The following CNTRL variants were observed in gnomAD, a reference collection of about 807,000 sequenced individuals.
CNTRL encodes the protein 110 kDa centrosomal protein.
In CNTRL, 233 loss-of-function variants were observed where a neutral mutation model predicts 303.7. The ratio of observed to expected loss-of-function variants is 0.77; its 90% CI spans 0.69 to 0.86. CNTRL has a LOEUF of 0.86. Among genes scored for constraint, CNTRL ranks in the 40% least tolerant of loss-of-function variants. The pLI, the probability that CNTRL is intolerant of heterozygous loss-of-function variation, is 0.00. For missense variants in CNTRL, 2,524 were observed against 2,650.6 expected, an observed-to-expected ratio of 0.95 and a Z score of 1.05; for synonymous variants, 900 against 922.2, an observed-to-expected ratio of 0.98 and a Z score of 0.44.
chr9:121,129,043 G>A (rs2050703536), intron 14 of CNTRL, among the ~76,000 whole-genome samples: 1 of 152,162 alleles, frequency 6.6e-6, no homozygotes, highest in Non-Finnish European at 1.5e-5. Flanking sequence ...GTTTACTGTA[G>A]CCTTGTAGTA....
chr9:121,077,407 A>G (rs1388298509), intron 1 of CNTRL, among the ~76,000 whole-genome samples: 3 of 151,980 alleles, frequency 2.0e-5, no homozygotes, highest in Non-Finnish European at 4.4e-5. Context: ...ACCTCCAGGC[A>G]GTAGCCTAAG....
intron 31 of CNTRL, among the ~76,000 whole-genome samples, chr9:121,159,695 AAAG>A (rs1203277928): frequency 6.6e-6 from 1 of 151,934 alleles, no homozygotes. Context: ...AAAAAAAAAA[AAAG>A]AAAACTTCTC....
Position 121,144,955 on chromosome 9 carries a change from A to G in CNTRL, c.3164A>G (p.Glu1055Gly). ...CAGAATCTCCTCAGGCAGAAGGGGG[A>G]GCAGGTCAGTGTTGGTACCCAGAGA... ...LLQNLLRQKG[E>G]QFRLEMEKTG... Residue 1055 changes from glutamate to glycine, a missense_variant, in exon 21 of 44, where the codon GAG (glutamate) becomes GGG (glycine). Coordinates refer to ENST00000373855, the MANE Select transcript of CNTRL (RefSeq NM_007018.6). The G allele has an allele frequency of 6.2e-7, 1 of 1,612,222 alleles. No homozygotes were observed. The highest frequency in any genetic ancestry group is 8.5e-7 in the Non-Finnish European group (1 of 1,178,634).
rs767165727 is a variant in CNTRL, at chr9:121,164,936, G to C, written c.5424-7G>C. On this transcript the variant is annotated splice_region_variant and splice_polypyrimidine_tract_variant and intron_variant, in intron 34 of 43. Coordinates refer to ENST00000373855, the MANE Select transcript of CNTRL (RefSeq NM_007018.6). ...TATTTGACAGTCTGACTTACTCTCTGTGGTAGGGTTTTAGCAGCAGCAGAA... is the reference window on the plus strand; with the variant it reads ...TATTTGACAGTCTGACTTACTCTCTCTGGTAGGGTTTTAGCAGCAGCAGAA... 2.4e-5 allele frequency: 39 copies of C among 1,609,566 alleles called. 2 individuals are homozygous for C. The South Asian group carries it at 3.1e-4, about 13-fold the overall frequency.
chr9:121,162,346 T>A, intron 34 of CNTRL, 75 bp downstream of exon 34: 4 of 1,317,086 alleles, frequency 3.0e-6, no homozygotes, highest in Non-Finnish European at 4.4e-6. Context: ...ATAAAAAATT[T>A]GGAAAATAGA....
At chr9:121,104,226 G>T (rs938282543) in intron 7 of CNTRL, among the ~76,000 whole-genome samples, 4 of 152,174 alleles carry the variant, frequency 2.6e-5, no homozygotes, top group African/African-American at 7.2e-5. Flanking sequence ...TCCTTTGTAG[G>T]GACATGGTTG....
Position 121,135,944 on chromosome 9 carries a change from C to T in CNTRL, c.2164C>T (p.Leu722Phe). The T allele has an allele frequency of 6.2e-7, 1 of 1,612,286 alleles. No individual in the cohort carries two copies. Among genetic ancestry groups the T allele is most frequent in the Non-Finnish European group, 8.5e-7 (1 of 1,178,792 alleles). The change falls in exon 15 of 44, where the codon CTC (leucine) becomes TTC (phenylalanine). Residue 722 changes from leucine to phenylalanine, a missense_variant. By Grantham distance (22) the Leu-to-Phe change is conservative. Coordinates refer to ENST00000373855, the MANE Select transcript of CNTRL (RefSeq NM_007018.6). ...CCTAAGGGATGCTGAAGCCAACCAG[C>T]TCAAGGAAGAGTTGGAAAAAGTAAC... is the stretch of plus-strand genomic sequence containing the variant. ...LNLRDAEANQLKEELEKVTRL... is the reference protein window; with the variant it reads ...LNLRDAEANQFKEELEKVTRL...
chr9:121,113,843 G>A (rs193003287), intron 10 of CNTRL, 119 bp downstream of exon 10: 49 of 580,650 alleles, frequency 8.4e-5, no homozygotes, highest in Admixed American at 2.3e-4. Context: ...TCCATGAAAA[G>A]TCTAAAACAA....
At chr9:121,092,973 A>AT (rs980154279) in intron 4 of CNTRL, among the ~76,000 whole-genome samples, 13 of 147,922 alleles carry the variant, frequency 8.8e-5, no homozygotes, top group African/African-American at 2.0e-4. Flanking sequence ...CGCCCAGCTA[A>AT]TTTTTTTTTA....
intron 7 of CNTRL, among the ~76,000 whole-genome samples, chr9:121,100,099 C>A (rs146765812): frequency 6.6e-6 from 1 of 152,016 alleles, no homozygotes; most frequent in Non-Finnish European, 1.5e-5. Context: ...CTCCAAGACA[C>A]GTAATTGTCA....
At chr9:121,099,376 T>A (rs985789058) in intron 7 of CNTRL, among the ~76,000 whole-genome samples, 1 of 151,422 alleles carries the variant, frequency 6.6e-6, no homozygotes, top group Non-Finnish European at 1.5e-5. Context: ...ACAGAAAGGA[T>A]ATCCACACCA....
intron 35 of CNTRL, 26 bp downstream of exon 35, chr9:121,165,126 T>C: frequency 6.5e-7 from 1 of 1,532,078 alleles, no homozygotes. Flanking sequence ...ACAGTGAAAG[T>C]GTGTGATTTC....
intron 40 of CNTRL, 81 bp downstream of exon 40, chr9:121,171,629 T>A: frequency 2.1e-6 from 3 of 1,437,354 alleles, no homozygotes; most frequent in Non-Finnish European, 2.8e-6. Flanking sequence ...GTTTTTAATA[T>A]CCCTTCTATA....
chr9:121,145,865 C>A (rs1200346301), intron 22 of CNTRL, among the ~76,000 whole-genome samples: 1 of 152,086 alleles, frequency 6.6e-6, no homozygotes, highest in Non-Finnish European at 1.5e-5. Flanking sequence ...CCGCTGCACT[C>A]CAGACTGGAT....
rs1334778314 is a variant in CNTRL at position 121,173,681 on chromosome 9, C to T, written c.6691C>T (p.His2231Tyr). Residue 2231 changes from histidine to tyrosine, a missense_variant, in exon 42 of 44, where the codon CAC becomes TAC. Physicochemically the swap from His to Tyr is moderately conservative, Grantham distance 83. Transcript: ENST00000373855. ...TATTTTCCCTCTGAGAAAGGATGAA[C>T]ACTGGCGTGGAGAAGCACTCCGGGA... The part of the protein sequence containing the change: ...NFSQVHIMDE[H>Y]WRGEALREKL... The T allele has an allele frequency of 6.2e-7, 1 of 1,614,072 alleles. No individual in the cohort carries two copies.
chr9:121,118,665 T>C (rs982643243), intron 12 of CNTRL, 125 bp downstream of exon 12: 4 of 685,674 alleles, frequency 5.8e-6, no homozygotes, highest in South Asian at 3.1e-5. Flanking sequence ...TTAAGTGATA[T>C]ATACATACAG....
chr9:121,102,518 A>G (rs1282678093), intron 7 of CNTRL, among the ~76,000 whole-genome samples: 1 of 152,186 alleles, frequency 6.6e-6, no homozygotes, highest in Non-Finnish European at 1.5e-5. Context: ...CACCACTCCT[A>G]TTCAACATAG....
intron 3 of CNTRL, among the ~76,000 whole-genome samples, chr9:121,089,894 T>A (rs1009909859): frequency 4.6e-5 from 7 of 152,264 alleles, no homozygotes; most frequent in Non-Finnish European, 7.4e-5. Context: ...AATTAAATTT[T>A]AAAAATGTAA....
chr9:121,125,584 T>C lies in CNTRL; in HGVS notation c.1805-132T>C, dbSNP rs1158379661. 9 of 761,834 alleles carry C rather than the reference T, an allele frequency of 1.2e-5. No individual in the cohort carries two copies. In the Admixed American group the frequency reaches 1.6e-4, roughly 14 times the overall value. The allele number at this position is 761,834 out of a possible 1,614,324, so 47.2% of individuals were successfully genotyped here. A position where few individuals can be genotyped will look rare whatever the true frequency, so the allele number is the denominator to read the frequency against. On this transcript the variant is annotated intron_variant, in intron 13 of 43. Coordinates refer to ENST00000373855, the MANE Select transcript of CNTRL (RefSeq NM_007018.6). ...ATAATAGGAAGAAAATTTAACATTA[T>C]GTTTTGAAAAAGAAAAATGATAGGA...
Sources: allele counts gnomAD v4.1 joint callset (sites outside exome capture counted in the v4.1 genomes callset), GRCh38; gene constraint gnomAD v4.1.1; transcripts MANE v1.5; gene names NCBI Gene and HGNC (gene_info 2026-07-23, HGNC 2026-07-21).